Variants in TMEM167A observed in about 807,000 individuals in gnomAD.
TMEM167A encodes the protein protein kish-A.
A neutral mutation model predicts 11.6 loss-of-function variants in TMEM167A; 8 were observed. The ratio of observed to expected loss-of-function variants is 0.69; its 90% confidence interval spans 0.40 to 1.24. The LOEUF is 1.24. TMEM167A is among the 50% of genes most tolerant of loss of function. The pLI, the probability that TMEM167A is intolerant of heterozygous loss-of-function variation, is 0.01. For missense variants in TMEM167A, 62 were observed against 87.0 expected (o/e 0.71, Z 1.14); for synonymous variants, 22 against 28.0 (o/e 0.79, Z 0.67).
At position 83,077,329 on chromosome 5, in the gene TMEM167A, G is replaced by GGCCGGCGAT; in HGVS notation, c.-15_-7dup. ...GGAGCCCCACTTCTTACCATAGCGA[G>GGCCGGCGAT]GCCGGCGATGCCGCAGCCACATCAC... On this transcript the variant is annotated 5_prime_UTR_variant, in exon 1 of 4. Transcript: ENST00000502346. 1.2e-6 allele frequency: 2 copies of GGCCGGCGAT among 1,614,200 alleles called. No individual in the cohort carries two copies. Among genetic ancestry groups the GGCCGGCGAT allele is most frequent in the Non-Finnish European group, 1.7e-6 (2 of 1,180,028 alleles).
chr5:83,076,342 T>A (rs28383105), intron 1 of TMEM167A, among the ~76,000 whole-genome samples: 36 of 152,352 alleles, frequency 2.4e-4, no homozygotes, highest in African/African-American at 8.7e-4. Flanking sequence ...ATACTGTTGA[T>A]CTTAAGCACA....
At position 83,054,217 on chromosome 5, in the gene TMEM167A, A is replaced by C. The variant is rs893608688; in HGVS notation, c.*2867T>G. 2 of 152,128 alleles carry C rather than the reference A, an allele frequency of 1.3e-5. No homozygotes were observed. The highest frequency in any genetic ancestry group is 2.1e-4 in the South Asian group (1 of 4,828). The allele number at this position is 152,128 out of a possible 1,614,324, so 9.4% of individuals were successfully genotyped here. A position where few individuals can be genotyped will look rare whatever the true frequency, so the allele number is the denominator to read the frequency against. ...ACCTGAACATATAAAAGCATTCAAG[A>C]TAGTGTCTGGCACAGTAGAACAGGG... On this transcript the variant is annotated 3_prime_UTR_variant, in exon 4 of 4. Transcript: ENST00000502346.
chr5:83,075,584 A>C (rs1744630816), intron 1 of TMEM167A, among the ~76,000 whole-genome samples: 1 of 151,994 alleles, frequency 6.6e-6, no homozygotes, highest in South Asian at 2.1e-4. Flanking sequence ...GTCTCTACTA[A>C]AAATACAAAA....
At chr5:83,057,247 C>A in intron 3 of TMEM167A, 93 bp from the exon 4 acceptor site, 1 of 1,248,708 alleles carries the variant, frequency 8.0e-7, no homozygotes, top group Non-Finnish European at 1.2e-6. Flanking sequence ...AGATAACATT[C>A]TTCCCTAGGA....
chr5:83,057,468 C>T (rs1028061462), intron 3 of TMEM167A, among the ~76,000 whole-genome samples: 8 of 151,920 alleles, frequency 5.3e-5, no homozygotes, highest in African/African-American at 1.9e-4. Context: ...GACAGAGATC[C>T]AAGAGAAACG....
Position 83,057,045 on chromosome 5 carries a change from T to A in TMEM167A, c.*39A>T. On this transcript the variant is annotated 3_prime_UTR_variant, in exon 4 of 4. Coordinates refer to ENST00000502346, the MANE Select transcript of TMEM167A (RefSeq NM_174909.5). ...TTCTGCAGTCAGTCCTTGTTCACAA[T>A]CAAATCTGATGGCAACTACATTCTG... 6.3e-7 allele frequency: 1 copy of A among 1,581,908 alleles called. No homozygotes were observed. The highest frequency in any genetic ancestry group is 8.7e-7 in the Non-Finnish European group (1 of 1,153,382).
chr5:83,077,233 C>A, intron 1 of TMEM167A, 88 bp downstream of exon 1: 1 of 1,603,902 alleles, frequency 6.2e-7, no homozygotes, highest in Admixed American at 1.7e-5. Flanking sequence ...GCCCACACAC[C>A]CCGGGCTGCC....
chr5:83,062,681 T>C (rs1744423918), intron 2 of TMEM167A, among the ~76,000 whole-genome samples: 1 of 151,966 alleles, frequency 6.6e-6, no homozygotes, highest in African/African-American at 2.4e-5. Flanking sequence ...AGAGATATCT[T>C]AAAAAATAAC....
intron 1 of TMEM167A, among the ~76,000 whole-genome samples, chr5:83,066,638 G>C (rs1744485252): frequency 6.6e-6 from 1 of 152,096 alleles, no homozygotes; most frequent in South Asian, 2.1e-4. Flanking sequence ...AAAAGTAGAA[G>C]AGACTGTTGC....
At chr5:83,072,052 A>C (rs938417124) in intron 1 of TMEM167A, among the ~76,000 whole-genome samples, 3 of 152,220 alleles carry the variant, frequency 2.0e-5, no homozygotes, top group Admixed American at 6.5e-5. Context: ...ATGATGAGTA[A>C]AACTACAGTA....
At chr5:83,061,484 C>T (rs1744405478) in intron 3 of TMEM167A, among the ~76,000 whole-genome samples, 1 of 152,176 alleles carries the variant, frequency 6.6e-6, no homozygotes, top group South Asian at 2.1e-4. Context: ...ATCTGGCTCA[C>T]TGCAACCTTC....
intron 3 of TMEM167A, 49 bp downstream of exon 3, chr5:83,061,827 TG>T: frequency 6.6e-7 from 1 of 1,519,340 alleles, no homozygotes; most frequent in East Asian, 2.3e-5. Context: ...CTAAGTAAAT[TG>T]GTCAACAATT....
At chr5:83,070,030 T>C (rs1375384746) in intron 1 of TMEM167A, among the ~76,000 whole-genome samples, 2 of 152,146 alleles carry the variant, frequency 1.3e-5, no homozygotes, top group Non-Finnish European at 1.5e-5. Context: ...CAAATTTCCT[T>C]ATATTTATGT....
intron 1 of TMEM167A, 68 bp from the exon 2 acceptor site, chr5:83,065,185 A>C: frequency 1.0e-6 from 1 of 985,180 alleles, no homozygotes; most frequent in Non-Finnish European, 1.5e-6. Flanking sequence ...ATGTTTGACA[A>C]TTCCACATTT....
Position 83,056,912 on chromosome 5 carries a change from T to C in TMEM167A, c.*172A>G, listed in dbSNP as rs1445599990. 2.1e-5 allele frequency: 14 copies of C among 663,420 alleles called. No homozygotes were observed. The highest frequency in any genetic ancestry group is 3.7e-5 in the Non-Finnish European group (14 of 375,318). The allele number at this position is 663,420 out of a possible 1,614,324, so 41.1% of individuals were successfully genotyped here. On this transcript the variant is annotated 3_prime_UTR_variant, in exon 4 of 4. Coordinates refer to ENST00000502346, the MANE Select transcript of TMEM167A (RefSeq NM_174909.5). The stretch of plus-strand genomic sequence containing the variant: ...GACTATTAAATGGTTACATCTTAAT[T>C]GTTTATACAGAACATTGGTCCAATA...
At chr5:83,066,773 G>A (rs1236217190) in intron 1 of TMEM167A, among the ~76,000 whole-genome samples, 1 of 152,024 alleles carries the variant, frequency 6.6e-6, no homozygotes, top group South Asian at 2.1e-4. Flanking sequence ...GTGGTGGGGG[G>A]TAGATCTCCC....
intron 3 of TMEM167A, 40 bp from the exon 4 acceptor site, chr5:83,057,194 T>A: frequency 6.4e-7 from 1 of 1,562,548 alleles, no homozygotes; most frequent in Non-Finnish European, 8.8e-7. Flanking sequence ...ATTAACTGAG[T>A]GGCTAACCTG....
chr5:83,070,959 A>G (rs1352250958), intron 1 of TMEM167A, among the ~76,000 whole-genome samples: 1 of 152,138 alleles, frequency 6.6e-6, no homozygotes, highest in Non-Finnish European at 1.5e-5. Context: ...GGAATAGAAG[A>G]AGGAAAAAAG....
At chr5:83,060,629 A>T (rs1358733075) in intron 3 of TMEM167A, among the ~76,000 whole-genome samples, 1 of 152,082 alleles carries the variant, frequency 6.6e-6, no homozygotes, top group Non-Finnish European at 1.5e-5. Flanking sequence ...CAGGAGTTGG[A>T]GAGCAGCCTG....
Sources: gnomAD v4.1 joint callset for allele counts (sites outside exome capture counted in the v4.1 genomes callset) on GRCh38, gnomAD v4.1.1 for gene constraint, MANE v1.5 for transcripts, NCBI Gene and HGNC (gene_info 2026-07-23, HGNC 2026-07-21) for gene names.